GOLGA2: variants seen among roughly 807,000 people sequenced by gnomAD.
The protein encoded by GOLGA2 is golgin A2.
GOLGA2 carries 49 observed loss-of-function variants against 148.8 expected under a neutral mutation model. That is an observed-to-expected ratio of 0.33 (90% CI 0.26 to 0.42). The LOEUF is 0.42. Ranked by LOEUF, GOLGA2 falls within the 10% of genes least tolerant of loss-of-function variation. The pLI, the probability that GOLGA2 is intolerant of heterozygous loss-of-function variation, is 1.00. For synonymous variants in GOLGA2, 501 were observed against 511.8 expected, an observed-to-expected ratio of 0.98 and a Z score of 0.28; for missense variants, 1,178 against 1,304.6, an observed-to-expected ratio of 0.90 and a Z score of 1.49.
chr9:128,265,371 G>A (rs1830528620), intron 12 of GOLGA2, among the ~76,000 whole-genome samples: 1 of 152,182 alleles, frequency 6.6e-6, no homozygotes, highest in African/African-American at 2.4e-5. Context: ...TCCGAGCTCT[G>A]CGTCCAGTGT....
intron 12 of GOLGA2, among the ~76,000 whole-genome samples, chr9:128,264,725 G>A (rs1317229087): frequency 6.6e-6 from 1 of 152,080 alleles, no homozygotes; most frequent in Non-Finnish European, 1.5e-5. Flanking sequence ...ACCACACCTG[G>A]CCAAGATCGA....
In GOLGA2 at chr9:128,257,492, G is replaced by C; in HGVS notation, c.2752C>G (p.Arg918Gly). 6.2e-7 allele frequency: 1 copy of C among 1,613,856 alleles called. No homozygotes were observed. The highest frequency in any genetic ancestry group is 1.3e-5 in the African/African-American group (1 of 75,026). ...KLLELQELVL[R>G]LVGDRNEWHG... Reference sequence around the variant, plus strand: ...CACTCGTTGCGGTCGCCCACAAGCCGTAAGACCAGCTCCTGCAGCTCCAGC... The same window carrying C: ...CACTCGTTGCGGTCGCCCACAAGCCCTAAGACCAGCTCCTGCAGCTCCAGC... Residue 918 changes from arginine (R) to glycine (G), a missense_variant, in exon 26 of 27, where the codon CGG (arginine) becomes GGG (glycine). Arg to Gly is a moderately radical substitution (Grantham distance 125). Coordinates refer to ENST00000611957, the MANE Select transcript of GOLGA2 (RefSeq NM_001366244.2). This position sits in a 1 kb window ranked among gnomAD's most constrained non-coding sequence, Gnocchi z 8.0.
In GOLGA2 at chr9:128,267,363, G is replaced by C. The variant is rs1286724267; in HGVS notation, c.562-89C>G. The C allele has an allele frequency of 2.8e-6, 4 of 1,415,960 alleles. No individual in the cohort carries two copies. The East Asian group carries it at 6.8e-5, about 24-fold the overall frequency. The allele number at this position is 1,415,960 out of a possible 1,614,324, so 87.7% of individuals were successfully genotyped here. ...ATTAGGGTTGGGGGGTGTGTGGGCT[G>C]TCTCAGCTGGCAGAGGGGCACCCAG... On this transcript the variant is annotated intron_variant, in intron 7 of 26. Coordinates refer to ENST00000611957, the MANE Select transcript of GOLGA2 (RefSeq NM_001366244.2).
rs1208755406 is a variant in GOLGA2, at chr9:128,268,163, G to C, written c.394-3C>G. On this transcript the variant is annotated splice_polypyrimidine_tract_variant and splice_region_variant and intron_variant, in intron 4 of 26. Transcript: ENST00000611957. Reference sequence around the variant, plus strand: ...GGGACATTGTCAGCATCATGATTCTGTTTGGGAAGAAACGTGTGAGATGGT... The same window carrying C: ...GGGACATTGTCAGCATCATGATTCTCTTTGGGAAGAAACGTGTGAGATGGT... 6.2e-7 allele frequency: 1 copy of C among 1,612,454 alleles called. No individual in the cohort carries two copies.
chr9:128,269,097 G>A lies in GOLGA2; in HGVS notation c.289-573C>T, dbSNP rs114928681. 4.8e-3 allele frequency among the ~76,000 whole-genome samples: 722 copies of A among 151,914 alleles called. 5 individuals are homozygous for A. The highest frequency in any genetic ancestry group is 0.017 in the African/African-American group (698 of 41,400). ...CCACCTCAGCCTCCCTAGTAGCTGA[G>A]ATTATAGGTGCACACTACCATGCTC... On this transcript the variant is annotated intron_variant, in intron 3 of 26. Transcript: ENST00000611957.
chr9:128,271,006 A>T lies in GOLGA2; in HGVS notation c.288+1779T>A, dbSNP rs1426522530. On this transcript the variant is annotated intron_variant, in intron 3 of 26. Transcript: ENST00000611957. This position sits in a 1 kb window ranked among gnomAD's most constrained non-coding sequence, Gnocchi z 4.4. ...GGAGGTTGCAGTGAGCCAAGATCAC[A>T]CCACTGCACTCCAGGAGAAAGAGCA... 6.6e-6 allele frequency among the ~76,000 whole-genome samples: 1 copy of T among 152,166 alleles called. No individual in the cohort carries two copies. The highest frequency in any genetic ancestry group is 6.6e-5 in the Admixed American group (1 of 15,266).
At chr9:128,273,580 G>C (rs1356594572) in intron 2 of GOLGA2, 3 of 511,180 alleles carry the variant, frequency 5.9e-6, no homozygotes, top group African/African-American at 1.9e-5. Flanking sequence ...AGGACAGCAG[G>C]CCCTGTACTA....
At chr9:128,263,631 G>A (rs1830410742) in intron 12 of GOLGA2, among the ~76,000 whole-genome samples, 2 of 151,954 alleles carry the variant, frequency 1.3e-5, no homozygotes, top group Admixed American at 1.3e-4. Flanking sequence ...TGTTAGCAAG[G>A]ATGGTCTCGA....
intron 13 of GOLGA2, 49 bp downstream of exon 13, chr9:128,262,985 C>G (rs1399733853): frequency 8.0e-7 from 1 of 1,248,276 alleles, no homozygotes. Flanking sequence ...CAGCACACCA[C>G]CCATGCTGAG....
At position 128,258,319 on chromosome 9, in the gene GOLGA2, G is replaced by T; in HGVS notation, c.2290-121C>A. ...GCACTTGTTGGTCCCAAGTGAAATG[G>T]TGTCTCACCACTGGCTCCCAGGAAA... is the stretch of plus-strand genomic sequence containing the variant. On this transcript the variant is annotated intron_variant, in intron 22 of 26. Coordinates refer to ENST00000611957, the MANE Select transcript of GOLGA2 (RefSeq NM_001366244.2). The surrounding 1 kb of genome is among the most constrained non-coding windows in gnomAD (Gnocchi z 6.6). The T allele has an allele frequency of 8.9e-7, 1 of 1,127,182 alleles. No homozygotes were observed. The highest frequency in any genetic ancestry group is 2.4e-5 in the East Asian group (1 of 41,646). The allele number at this position is 1,127,182 out of a possible 1,614,324, so 69.8% of individuals were successfully genotyped here. A position where few individuals can be genotyped will look rare whatever the true frequency, so the allele number is the denominator to read the frequency against.
chr9:128,264,748 C>G lies in GOLGA2; in HGVS notation c.933+837G>C, dbSNP rs138685536. Among the ~76,000 whole-genome samples, 8 of 152,240 alleles carry G rather than the reference C, an allele frequency of 5.3e-5. No homozygotes were observed. In the East Asian group the frequency reaches 1.5e-3, roughly 29 times the overall value. ...TGGCCAAGATCGAATTTACAGCTGG[C>G]TAACAGAGGCCCAGAGAGATCAGAT... On this transcript the variant is annotated intron_variant, in intron 12 of 26. Coordinates refer to ENST00000611957, the MANE Select transcript of GOLGA2 (RefSeq NM_001366244.2).
intron 3 of GOLGA2, among the ~76,000 whole-genome samples, chr9:128,269,286 A>G (rs909677435): frequency 1.3e-4 from 17 of 132,258 alleles, no homozygotes; most frequent in African/African-American, 1.8e-4. Flanking sequence ...TTTCAGGGGG[A>G]AAAAAAAAAA....
In GOLGA2 at chr9:128,275,935, C is replaced by A; in HGVS notation, c.42G>T (p.Ser14=). ...QPRLPPRPAM[S]EETRQSKLAA... ...CCAATTTGCTCTGTCGGGTTTCTTC[C>A]GACATCGCGGGGCGGGGAGGGAGGC... The change falls in exon 1 of 27, where the codon TCG becomes TCT. Residue 14 remains serine, a synonymous_variant. Coordinates refer to ENST00000611957, the MANE Select transcript of GOLGA2 (RefSeq NM_001366244.2). The A allele has an allele frequency of 6.3e-7, 1 of 1,593,734 alleles. No homozygotes were observed. The highest frequency in any genetic ancestry group is 1.9e-5 in the Admixed American group (1 of 53,716).
In GOLGA2 at chr9:128,260,307, C is replaced by T; in HGVS notation, c.1759-118G>A. On this transcript the variant is annotated intron_variant, in intron 18 of 26. Coordinates refer to ENST00000611957, the MANE Select transcript of GOLGA2 (RefSeq NM_001366244.2). The surrounding 1 kb of genome is among the most constrained non-coding windows in gnomAD (Gnocchi z 4.8). ...GGTGGAGGCAGGTTAGAAAAATCAT[C>T]CCCTCTCCCCCACAGCCATCGGAGC... 4.5e-6 allele frequency: 5 copies of T among 1,112,308 alleles called. No individual in the cohort carries two copies. Among genetic ancestry groups the T allele is most frequent in the Non-Finnish European group, 5.4e-6 (4 of 738,480 alleles). The allele number at this position is 1,112,308 out of a possible 1,614,324, so 68.9% of individuals were successfully genotyped here. A position where few individuals can be genotyped will look rare whatever the true frequency, so the allele number is the denominator to read the frequency against.
rs753453040 is a variant in GOLGA2 at position 128,261,539 on chromosome 9, A to G, written c.1247T>C (p.Leu416Pro). Residue 416 changes from leucine (L) to proline (P), a missense_variant, in exon 16 of 27, where the codon CTA becomes CCA. This residue lies in a region of GOLGA2 where 304 missense variants were observed against 404.1 expected (regional missense o/e 0.75). Transcript: ENST00000611957. This position sits in a 1 kb window ranked among gnomAD's most constrained non-coding sequence, Gnocchi z 5.7. ...CGCATATTTATCTCTCTCCATTTGT[A>G]GTTGTCTAACCGACTCCATTACCTG... Reference protein sequence around the residue: ...LGQVMESVRQLQMERDKYAEN... With the variant: ...LGQVMESVRQPQMERDKYAEN... The G allele has an allele frequency of 2.9e-5, 47 of 1,607,136 alleles. No homozygotes were observed. Among genetic ancestry groups the G allele is most frequent in the Non-Finnish European group, 3.8e-5 (45 of 1,173,606 alleles).
chr9:128,267,861 G>A, intron 6 of GOLGA2, 73 bp downstream of exon 6: 1 of 1,210,834 alleles, frequency 8.3e-7, no homozygotes, highest in South Asian at 1.2e-5. Context: ...CCTCTCTCTT[G>A]TGAATCCCTG....
Position 128,261,311 on chromosome 9 carries a change from AG to A in GOLGA2, c.1333-53del. ...CCTGGAGAGGGGCTGGTGGCTGGAC[AG>A]GCTACCATCTCCCTCTGCCCCCACC... On this transcript the variant is annotated intron_variant, in intron 16 of 26. Transcript: ENST00000611957. The surrounding 1 kb of genome is among the most constrained non-coding windows in gnomAD (Gnocchi z 5.7). 1 of 1,436,826 alleles carries A rather than the reference AG, an allele frequency of 7.0e-7. No homozygotes were observed. The highest frequency in any genetic ancestry group is 9.8e-7 in the Non-Finnish European group (1 of 1,019,148). 89.0% of individuals were successfully genotyped at this position (1,436,826 alleles called of 1,614,324 possible).
chr9:128,258,907 G>C lies in GOLGA2; in HGVS notation c.2173+100C>G. The C allele has an allele frequency of 2.3e-6, 2 of 851,180 alleles. No homozygotes were observed. The highest frequency in any genetic ancestry group is 1.4e-5 in the South Asian group (1 of 70,346). 52.7% of individuals were successfully genotyped at this position (851,180 alleles called of 1,614,324 possible). A position where few individuals can be genotyped will look rare whatever the true frequency, so the allele number is the denominator to read the frequency against. ...GGACACCCAGTTGGCATAATGACCAGCTGTTCTAAAGGTCTCTTCCAACTC... is the reference window on the plus strand; with the variant it reads ...GGACACCCAGTTGGCATAATGACCACCTGTTCTAAAGGTCTCTTCCAACTC... On this transcript the variant is annotated intron_variant, in intron 21 of 26. Coordinates refer to ENST00000611957, the MANE Select transcript of GOLGA2 (RefSeq NM_001366244.2). The surrounding 1 kb of genome is among the most constrained non-coding windows in gnomAD (Gnocchi z 6.6).
chr9:128,257,108 G>A lies in GOLGA2; in HGVS notation c.3049C>T (p.Arg1017Trp), dbSNP rs1338016366. 7 of 1,613,924 alleles carry A rather than the reference G, an allele frequency of 4.3e-6. No homozygotes were observed. In the Admixed American group the frequency reaches 5.0e-5, roughly 12 times the overall value. Residue 1017 changes from arginine to tryptophan, a missense_variant, in exon 27 of 27, where the codon CGG becomes TGG. By Grantham distance (101) the Arg-to-Trp change is moderately radical. Transcript: ENST00000611957. The surrounding 1 kb of genome is among the most constrained non-coding windows in gnomAD (Gnocchi z 8.0). ...GSNPCIPFFY[R>W]ADENDEVKIT... is the part of the protein sequence containing the mutation. The stretch of plus-strand genomic sequence containing the variant: ...TTCACCTCATCATTCTCGTCAGCCC[G>A]GTAAAAAAAAGGAATGCAGGGGTTG...
Sources: gnomAD v4.1 joint callset for allele counts (sites outside exome capture counted in the v4.1 genomes callset) on GRCh38, gnomAD v4.1.1 for gene constraint, gnomAD v4.1.1 regional missense constraint, Gnocchi (gnomAD v3.1) non-coding constraint, MANE v1.5 for transcripts, NCBI Gene and HGNC (gene_info 2026-07-23, HGNC 2026-07-21) for gene names.